Variants in ST7 observed in about 807,000 individuals in gnomAD.
The protein encoded by ST7 is suppression of tumorigenicity 7, also known as suppressor of tumorigenicity 7 protein.
In ST7, 28 loss-of-function variants were observed where a neutral mutation model predicts 78.7. The observed-to-expected ratio is 0.36, with a 90% CI of 0.26 to 0.49. The LOEUF is 0.49. Among genes scored for constraint, ST7 ranks in the 20% least tolerant of loss-of-function variants. ST7 has a pLI of 0.99. For missense variants in ST7, 418 were observed against 696.0 expected, an observed-to-expected ratio of 0.60 and a Z score of 4.49; for synonymous variants, 247 against 249.6, an observed-to-expected ratio of 0.99 and a Z score of 0.10.
At chr7:117,193,507 T>G (rs1057094473) in intron 12 of ST7, among the ~76,000 whole-genome samples, 1 of 152,238 alleles carries the variant, frequency 6.6e-6, no homozygotes, top group African/African-American at 2.4e-5. Context: ...TTAAATAATC[T>G]GCTCATGGTC....
intron 13 of ST7, among the ~76,000 whole-genome samples, chr7:117,214,835 G>A (rs1792562849): frequency 1.3e-5 from 2 of 151,406 alleles, no homozygotes; most frequent in African/African-American, 4.9e-5. Context: ...TATTTATTGA[G>A]TCCATCCTTT....
chr7:117,026,456 A>T (rs938488645), intron 1 of ST7, among the ~76,000 whole-genome samples: 4 of 152,228 alleles, frequency 2.6e-5, no homozygotes, highest in Non-Finnish European at 4.4e-5. Flanking sequence ...TATTATTTAA[A>T]AGGTCCCATT....
chr7:117,116,942 A>AAGCAC (rs900603080), intron 2 of ST7, among the ~76,000 whole-genome samples: 1 of 152,224 alleles, frequency 6.6e-6, no homozygotes, highest in Non-Finnish European at 1.5e-5. Flanking sequence ...ATAACTAGGA[A>AAGCAC]AGCACAGAGG....
chr7:117,027,463 A>AAAAGTGAAGT (rs1554427203), intron 1 of ST7, among the ~76,000 whole-genome samples: 2 of 140,630 alleles, frequency 1.4e-5, no homozygotes, highest in Non-Finnish European at 3.0e-5. Context: ...AAAGTAAAGT[A>AAAAGTGAAGT]AAAGTAAAGT....
rs1809645697 is a variant in ST7 at position 117,190,229 on chromosome 7, G to A, written c.1152-605G>A. On this transcript the variant is annotated intron_variant, in intron 11 of 15. Transcript: ENST00000323984. This position sits in a 1 kb window ranked among gnomAD's most constrained non-coding sequence, Gnocchi z 5.2. Reference sequence around the variant, plus strand: ...TGTCACAGCTTCCCCTGTGGTGTCTGCCTGCCAAGCACAGCTCTGGAGTTA... The same window carrying A: ...TGTCACAGCTTCCCCTGTGGTGTCTACCTGCCAAGCACAGCTCTGGAGTTA... 6.0e-6 allele frequency: 1 copy of A among 167,260 alleles called. No individual in the cohort carries two copies. The highest frequency in any genetic ancestry group is 1.5e-5 in the Non-Finnish European group (1 of 68,242). 10.4% of individuals were successfully genotyped at this position (167,260 alleles called of 1,614,324 possible).
chr7:117,226,298 G>C (rs1793441957), intron 15 of ST7, among the ~76,000 whole-genome samples: 1 of 152,090 alleles, frequency 6.6e-6, no homozygotes, highest in Non-Finnish European at 1.5e-5. Context: ...TTTTTTACTA[G>C]TTCAGTTGCT....
chr7:117,121,844 G>T (rs1424218635), intron 3 of ST7, among the ~76,000 whole-genome samples: 4 of 150,822 alleles, frequency 2.7e-5, no homozygotes, highest in African/African-American at 9.7e-5. Flanking sequence ...GTTTACTGAG[G>T]TGACAAAGAG....
At chr7:117,220,322 G>A (rs1174816201) in intron 14 of ST7, among the ~76,000 whole-genome samples, 1 of 152,172 alleles carries the variant, frequency 6.6e-6, no homozygotes, top group African/African-American at 2.4e-5. Context: ...TCCCCGTGAT[G>A]TGTTTCTCAC....
intron 3 of ST7, 103 bp downstream of exon 3, chr7:117,119,823 G>T (rs771521834): frequency 1.5e-6 from 2 of 1,355,580 alleles, no homozygotes; most frequent in East Asian, 2.5e-5. Flanking sequence ...TAAACATTAG[G>T]CTTCAGAGAA....
At chr7:117,191,442 A>G (rs757416744) in intron 12 of ST7, among the ~76,000 whole-genome samples, 1 of 152,238 alleles carries the variant, frequency 6.6e-6, no homozygotes, top group African/African-American at 2.4e-5. Context: ...ATAAGTGTAT[A>G]TAGTAGAAAA....
At chr7:117,203,621 C>G (rs1223237793) in intron 12 of ST7, among the ~76,000 whole-genome samples, 1 of 152,196 alleles carries the variant, frequency 6.6e-6, no homozygotes, top group East Asian at 1.9e-4. Flanking sequence ...TGAAGCTTCT[C>G]AGACACAATG....
chr7:116,971,240 A>G (rs1431690047), intron 1 of ST7, among the ~76,000 whole-genome samples: 4 of 152,248 alleles, frequency 2.6e-5, no homozygotes, highest in African/African-American at 4.8e-5. Context: ...TACATAAGCT[A>G]TTCAAGATTT....
At chr7:117,052,016 A>G (rs1223275231) in intron 1 of ST7, among the ~76,000 whole-genome samples, 1 of 152,232 alleles carries the variant, frequency 6.6e-6, no homozygotes, top group Non-Finnish European at 1.5e-5. Flanking sequence ...CATCTGCTGC[A>G]GACTCTTTGA....
rs1041679816 is a variant in ST7, at chr7:117,179,163, A to T, written c.1078+8187A>T. 2.0e-5 allele frequency among the ~76,000 whole-genome samples: 3 copies of T among 152,228 alleles called. No homozygotes were observed. In the East Asian group the frequency reaches 5.8e-4, roughly 29 times the overall value. On this transcript the variant is annotated intron_variant, in intron 10 of 15. Transcript: ENST00000323984. ...TGCAGTACACATGTTGAGAAATAAC[A>T]AGTTTCTGATTCCCTATTAGAACGT...
intron 9 of ST7, among the ~76,000 whole-genome samples, chr7:117,152,909 T>C (rs1327683279): frequency 6.6e-6 from 1 of 152,170 alleles, no homozygotes; most frequent in Non-Finnish European, 1.5e-5. Context: ...CTCACTCCTG[T>C]CTTGTATAGT....
intron 1 of ST7, chr7:116,958,485 C>T: frequency 6.4e-6 from 2 of 313,882 alleles, no homozygotes; most frequent in Middle Eastern, 4.1e-4. Context: ...AATTGGATTT[C>T]CCTTCTAGAG....
intron 2 of ST7, among the ~76,000 whole-genome samples, chr7:117,114,229 TA>T (rs908848744): frequency 1.9e-3 from 258 of 139,124 alleles, no homozygotes; most frequent in Non-Finnish European, 2.4e-3. Context: ...ACCAAGAATG[TA>T]AAAAAAAAAA....
At chr7:117,222,912 A>G in intron 15 of ST7, 1 of 1,614,132 alleles carries the variant, frequency 6.2e-7, no homozygotes, top group Non-Finnish European at 8.5e-7. Context: ...TTGCAAGAGT[A>G]TTTTCATGCG....
intron 1 of ST7, among the ~76,000 whole-genome samples, chr7:116,978,092 G>A (rs1793786156): frequency 6.6e-6 from 1 of 152,104 alleles, no homozygotes; most frequent in Admixed American, 6.6e-5. Context: ...GCTGAGCTTG[G>A]CTGAATCATT....
Sources: allele counts gnomAD v4.1 joint callset (sites outside exome capture counted in the v4.1 genomes callset), GRCh38; gene constraint gnomAD v4.1.1; non-coding constraint Gnocchi (gnomAD v3.1); transcripts MANE v1.5; gene names NCBI Gene and HGNC (gene_info 2026-07-23, HGNC 2026-07-21).